The following DOCK10 variants were observed in gnomAD, a reference collection of about 807,000 sequenced individuals.
The protein encoded by DOCK10 is dedicator of cytokinesis protein 10.
DOCK10 carries 145 observed loss-of-function variants against 280.1 expected under a neutral mutation model. The observed-to-expected ratio is 0.52, with a 90% CI of 0.45 to 0.59. DOCK10 has a LOEUF of 0.59. DOCK10 is among the 20% of genes least tolerant of loss of function. The pLI is 0.00. For synonymous variants in DOCK10, 915 were observed against 942.2 expected (o/e 0.97, Z 0.53); for missense variants, 2,368 against 2,651.7 (o/e 0.89, Z 2.35).
chr2:224,943,328 A>G (rs1156232553), intron 1 of DOCK10, among the ~76,000 whole-genome samples: 2 of 149,502 alleles, frequency 1.3e-5, no homozygotes, highest in Non-Finnish European at 3.0e-5. Context: ...CATAAAATAT[A>G]CAGCTTCAAA....
intron 1 of DOCK10, among the ~76,000 whole-genome samples, chr2:224,993,946 C>G (rs1706198811): frequency 6.6e-6 from 1 of 152,144 alleles, no homozygotes; most frequent in African/African-American, 2.4e-5. Context: ...GAAGGGAATA[C>G]AAATTATCTT....
At chr2:224,875,950 C>T in intron 8 of DOCK10, 88 bp downstream of exon 8, 1 of 1,337,706 alleles carries the variant, frequency 7.5e-7, no homozygotes, top group Non-Finnish European at 1.0e-6. Context: ...CTAGACCAGA[C>T]AGCAACTACA....
In DOCK10 at chr2:224,874,743, C is replaced by G; in HGVS notation, c.940G>C (p.Asp314His). ...GTGCATTCACAAGTTACAGAATTATCCAGCGAATCTTAAAAAGATATACCA... is the reference window on the plus strand; with the variant it reads ...GTGCATTCACAAGTTACAGAATTATGCAGCGAATCTTAAAAAGATATACCA... ...ELTDLGLDSL[D>H]NSVTCECTPE... Residue 314 changes from aspartate to histidine, a missense_variant, in exon 9 of 56, where the codon GAT becomes CAT. Physicochemically the swap from Asp to His is moderately conservative, Grantham distance 81. Transcript: ENST00000258390. The G allele has an allele frequency of 6.2e-7, 1 of 1,613,626 alleles. No individual in the cohort carries two copies. The highest frequency in any genetic ancestry group is 8.5e-7 in the Non-Finnish European group (1 of 1,179,606).
At chr2:224,923,167 G>T (rs533209863) in intron 2 of DOCK10, among the ~76,000 whole-genome samples, 1 of 152,130 alleles carries the variant, frequency 6.6e-6, no homozygotes, top group Admixed American at 6.5e-5. Context: ...TTTTGCTGGG[G>T]TTGAACTGTA....
At chr2:224,821,004 T>C (rs1694471553) in intron 28 of DOCK10, among the ~76,000 whole-genome samples, 1 of 152,222 alleles carries the variant, frequency 6.6e-6, no homozygotes, top group Non-Finnish European at 1.5e-5. Flanking sequence ...TATGTTCAGA[T>C]AAGTAGAGCT....
intron 44 of DOCK10, among the ~76,000 whole-genome samples, chr2:224,795,475 A>G (rs918263420): frequency 6.6e-6 from 1 of 152,202 alleles, no homozygotes; most frequent in East Asian, 1.9e-4. Context: ...TCCAAGCTAC[A>G]GTGATTGGTT....
Position 224,874,687 on chromosome 2 carries a change from G to A in DOCK10, c.996C>T (p.Asn332=). ...TPEETDSSEN[N]LHADFAKYLT... Reference sequence around the variant, plus strand: ...TTACCTTTGCAAAGTCTGCGTGTAGGTTGTTCTCTGAAGAATCTGTTTCCT... The same window carrying A: ...TTACCTTTGCAAAGTCTGCGTGTAGATTGTTCTCTGAAGAATCTGTTTCCT... Residue 332 remains asparagine (N), a synonymous_variant, in exon 9 of 56, where the codon AAC becomes AAT. Transcript: ENST00000258390. The A allele has an allele frequency of 1.2e-6, 2 of 1,613,860 alleles. No homozygotes were observed. The highest frequency in any genetic ancestry group is 1.7e-6 in the Non-Finnish European group (2 of 1,179,816).
In DOCK10 at chr2:225,014,081, A is replaced by ATATATATATATATATT. The variant is rs776104946; in HGVS notation, c.123+28170_123+28171insAATATATATATATATA. ...AAAAAATCCCCAGAAGTCTGAATAT[A>ATATATATATATATATT]TTGTTTTTTTTTTTTTGTTTTTTTT... On this transcript the variant is annotated intron_variant, in intron 1 of 55. Transcript: ENST00000258390. Among the ~76,000 whole-genome samples the ATATATATATATATATT allele has an allele frequency of 6.2e-4, 60 of 96,812 alleles. No individual in the cohort carries two copies. In the South Asian group the frequency reaches 6.8e-3, roughly 11 times the overall value. The allele number at this position is 96,812 out of a possible 152,430, so 63.5% of individuals were successfully genotyped here. A position where few individuals can be genotyped will look rare whatever the true frequency, so the allele number is the denominator to read the frequency against.
In DOCK10 at chr2:224,778,145, G is replaced by C; in HGVS notation, c.5795C>G (p.Ser1932Cys). The C allele has an allele frequency of 6.2e-7, 1 of 1,613,102 alleles. No homozygotes were observed. The highest frequency in any genetic ancestry group is 8.5e-7 in the Non-Finnish European group (1 of 1,179,448). The stretch of plus-strand genomic sequence containing the variant: ...ATACTGATTTTCCTCTACCTTGTTG[G>C]AATCCTGGATTATCTTCACATTGTC... ...GADNVKIIQD[S>C]NKVNPKDLDP... The change falls in exon 51 of 56, where the codon TCC (serine) becomes TGC (cysteine). Residue 1932 changes from serine (S) to cysteine (C), a missense_variant. Ser to Cys is a moderately radical substitution (Grantham distance 112, BLOSUM62 -1). This residue lies in a region of DOCK10 where 1,159 missense variants were observed against 1,400.8 expected (regional missense o/e 0.83). Coordinates refer to ENST00000258390, the MANE Select transcript of DOCK10 (RefSeq NM_014689.3).
In DOCK10 at chr2:224,786,669, C is replaced by T. The variant is rs570010023; in HGVS notation, c.5655+353G>A. Among the ~76,000 whole-genome samples the T allele has an allele frequency of 1.4e-3, 207 of 152,278 alleles. 3 individuals carry two copies. In the Middle Eastern group the frequency reaches 0.031, roughly 23 times the overall value. On this transcript the variant is annotated intron_variant, in intron 50 of 55. Coordinates refer to ENST00000258390, the MANE Select transcript of DOCK10 (RefSeq NM_014689.3). This position sits in a 1 kb window ranked among gnomAD's most constrained non-coding sequence, Gnocchi z 4.7. ...TCCTAGAATATTAGGAATGTTATTT[C>T]TTAAAACATATTCAATTTAATTTCA... is the stretch of plus-strand genomic sequence containing the variant.
At position 225,039,024 on chromosome 2, in the gene DOCK10, G is replaced by C. The variant is rs533739719; in HGVS notation, c.123+3228C>G. On this transcript the variant is annotated intron_variant, in intron 1 of 55. Coordinates refer to ENST00000258390, the MANE Select transcript of DOCK10 (RefSeq NM_014689.3). ...TGCTCTCAAATACAATATATATGCAGAAAAGTGCACAAATCCTAAATGTAT... is the reference window on the plus strand; with the variant it reads ...TGCTCTCAAATACAATATATATGCACAAAAGTGCACAAATCCTAAATGTAT... Among the ~76,000 whole-genome samples the C allele has an allele frequency of 2.2e-4, 33 of 152,218 alleles. No homozygotes were observed. The South Asian group carries it at 6.8e-3, about 32-fold the overall frequency.
intron 3 of DOCK10, among the ~76,000 whole-genome samples, chr2:224,903,335 T>TA (rs1225290851): frequency 1.3e-5 from 2 of 152,362 alleles, no homozygotes; most frequent in Non-Finnish European, 2.9e-5. Flanking sequence ...TGCCCATTTG[T>TA]AAAATATAAT....
chr2:224,952,208 C>T lies in DOCK10; in HGVS notation c.124-20540G>A, dbSNP rs138610916. Among the ~76,000 whole-genome samples, 358 of 152,268 alleles carry T rather than the reference C, an allele frequency of 2.4e-3. 3 individuals are homozygous for T. Among genetic ancestry groups the T allele is most frequent in the Non-Finnish European group, 1.4e-3 (95 of 68,028 alleles). ...GAATAATCAGGCAGTCTGGAGGGGACGTCTTTAAAATACAGTCTACTACGT... is the reference window on the plus strand; with the variant it reads ...GAATAATCAGGCAGTCTGGAGGGGATGTCTTTAAAATACAGTCTACTACGT... On this transcript the variant is annotated intron_variant, in intron 1 of 55. Transcript: ENST00000258390.
Position 225,042,329 on chromosome 2 carries a change from G to A in DOCK10, c.46C>T (p.Pro16Ser), listed in dbSNP as rs1230913075. ...TRRFTRSLLR[P>S]GQAAELRHSA... ...TGCCGGAGCTCGGCCGCCTGCCCAG[G>A]TCTCAACAGGCTCCGGGTGAACCTG... The change falls in exon 1 of 56, where the codon CCT (proline) becomes TCT (serine). Residue 16 changes from proline (P) to serine (S), a missense_variant. Physicochemically the swap from Pro to Ser is moderately conservative, Grantham distance 74 (BLOSUM62 -1). Transcript: ENST00000258390. This position sits in a 1 kb window ranked among gnomAD's most constrained non-coding sequence, Gnocchi z 5.1. The A allele has an allele frequency of 1.5e-6, 2 of 1,348,824 alleles. No homozygotes were observed. The highest frequency in any genetic ancestry group is 1.8e-5 in the South Asian group (1 of 54,524). The allele number at this position is 1,348,824 out of a possible 1,614,324, so 83.6% of individuals were successfully genotyped here.
chr2:224,916,540 C>CAAAAAAAA (rs35956360), intron 3 of DOCK10, among the ~76,000 whole-genome samples, 155 bp downstream of exon 3: 2 of 110,938 alleles, frequency 1.8e-5, no homozygotes, highest in African/African-American at 3.8e-5. Flanking sequence ...CACCCTCCCT[C>CAAAAAAAA]AAAAAAAAAA....
intron 21 of DOCK10, 29 bp downstream of exon 21, chr2:224,845,174 A>T: frequency 1.3e-6 from 2 of 1,551,550 alleles, no homozygotes; most frequent in Non-Finnish European, 1.7e-6. Flanking sequence ...GTGCTTTTTT[A>T]AAATCTTAAA....
At chr2:224,952,592 A>ATTT (rs869058280) in intron 1 of DOCK10, among the ~76,000 whole-genome samples, 3 of 143,542 alleles carry the variant, frequency 2.1e-5, no homozygotes, top group African/African-American at 7.9e-5. Context: ...CAATTATGTT[A>ATTT]TTTTTTTTTT....
rs1358399141 is a variant in DOCK10 at position 224,868,330 on chromosome 2, A to ACATATATGTACATATATACATATATTG, written c.1258-3270_1258-3244dup. On this transcript the variant is annotated intron_variant, in intron 11 of 55. Coordinates refer to ENST00000258390, the MANE Select transcript of DOCK10 (RefSeq NM_014689.3). ...TTAATATATGCATATGTAATTACATACATATATGTACATATATACATATAT... is the reference window on the plus strand; with the variant it reads ...TTAATATATGCATATGTAATTACATACATATATGTACATATATACATATATTGCATATATGTACATATATACATATAT... 2.0e-5 allele frequency among the ~76,000 whole-genome samples: 3 copies of ACATATATGTACATATATACATATATTG among 152,362 alleles called. No homozygotes were observed. The East Asian group carries it at 5.8e-4, about 29-fold the overall frequency.
chr2:224,939,489 G>T (rs1437305047), intron 1 of DOCK10, among the ~76,000 whole-genome samples: 1 of 152,142 alleles, frequency 6.6e-6, no homozygotes, highest in African/African-American at 2.4e-5. Context: ...TTGTAAAGAA[G>T]TAGAAAATAT....
Sources: gnomAD v4.1 joint callset for allele counts (sites outside exome capture counted in the v4.1 genomes callset) on GRCh38, gnomAD v4.1.1 for gene constraint, gnomAD v4.1.1 regional missense constraint, Gnocchi (gnomAD v3.1) non-coding constraint, MANE v1.5 for transcripts, NCBI Gene and HGNC (gene_info 2026-07-23, HGNC 2026-07-21) for gene names.